Variants in MICU2 observed in about 807,000 individuals in gnomAD.
The protein encoded by MICU2 is mitochondrial calcium uptake 2, also known as calcium uptake protein 2, mitochondrial.
MICU2 carries 64 observed loss-of-function variants against 60.4 expected under a neutral mutation model. The observed-to-expected ratio is 1.06, with a 90% CI of 0.87 to 1.31. MICU2 has a LOEUF of 1.31. Ranked by LOEUF, MICU2 falls within the 50% of genes most tolerant of loss-of-function variation. MICU2 has a pLI of 0.00. For synonymous variants in MICU2, 201 were observed against 175.0 expected (o/e 1.15, Z -1.17); for missense variants, 569 against 531.0 (o/e 1.07, Z -0.70).
intron 7 of MICU2, 120 bp downstream of exon 7, chr13:21,514,233 C>A (rs949130834): frequency 1.0e-5 from 8 of 764,808 alleles, no homozygotes; most frequent in East Asian, 7.8e-5. Flanking sequence ...TGGTGCATGA[C>A]TGTATTAAAA....
chr13:21,495,661 G>T (rs1204498849), intron 10 of MICU2: 1 of 230,638 alleles, frequency 4.3e-6, no homozygotes, highest in Non-Finnish European at 8.4e-6. Context: ...TCGGCCTCCT[G>T]AATAGCTGGG....
chr13:21,587,235 G>C (rs1296846870), intron 1 of MICU2, among the ~76,000 whole-genome samples: 1 of 152,154 alleles, frequency 6.6e-6, no homozygotes, highest in East Asian at 1.9e-4. Context: ...CCATGAGTCC[G>C]TAGATATAAA....
At chr13:21,587,448 C>T (rs1888483759) in intron 1 of MICU2, among the ~76,000 whole-genome samples, 1 of 152,170 alleles carries the variant, frequency 6.6e-6, no homozygotes, top group Admixed American at 6.5e-5. Flanking sequence ...ATATGATGCA[C>T]TGAAAAGGAC....
chr13:21,533,783 A>G (rs1887065434), intron 4 of MICU2, among the ~76,000 whole-genome samples: 2 of 152,326 alleles, frequency 1.3e-5, no homozygotes, highest in East Asian at 1.9e-4. Flanking sequence ...ATTTAAAAAA[A>G]TAGCTAGGGA....
intron 1 of MICU2, among the ~76,000 whole-genome samples, chr13:21,585,953 T>C (rs541017584): frequency 6.6e-6 from 1 of 152,304 alleles, no homozygotes; most frequent in South Asian, 2.1e-4. Flanking sequence ...TAATGCCCAA[T>C]ATATTACTTG....
Position 21,510,035 on chromosome 13 carries a change from G to A in MICU2, c.730C>T (p.Gln244Ter). Residue 244 changes from glutamine to a stop codon, truncating the protein, a stop_gained, in exon 8 of 12, where the codon CAA (glutamine) becomes TAA (stop). Coordinates refer to ENST00000382374, the MANE Select transcript of MICU2 (RefSeq NM_152726.3). LOFTEE classifies it high-confidence loss of function. Reference sequence around the variant, plus strand: ...AATTCTTTATAATGAAGTTTTCTTTGTCCTCTTTTTCCAAAGAAACGCATC... The same window carrying A: ...AATTCTTTATAATGAAGTTTTCTTTATCCTCTTTTTCCAAAGAAACGCATC... ...LQMRFFGKRG[Q>*]RKLHYKEFRR... The A allele has an allele frequency of 6.5e-7, 1 of 1,539,684 alleles. No homozygotes were observed. The highest frequency in any genetic ancestry group is 8.7e-7 in the Non-Finnish European group (1 of 1,149,354).
intron 1 of MICU2, among the ~76,000 whole-genome samples, chr13:21,582,025 T>C (rs1032967866): frequency 5.3e-5 from 8 of 152,252 alleles, no homozygotes; most frequent in Non-Finnish European, 1.0e-4. Flanking sequence ...ACAAAGCCAC[T>C]GCGGGGTGCC....
intron 2 of MICU2, among the ~76,000 whole-genome samples, chr13:21,551,655 T>C (rs1304536064): frequency 6.8e-6 from 1 of 146,378 alleles, no homozygotes; most frequent in East Asian, 2.1e-4. Flanking sequence ...TTCTCACTGT[T>C]CAATTCCCAC....
chr13:21,538,562 C>CAAAAAAA (rs71650194), intron 4 of MICU2, among the ~76,000 whole-genome samples: 4 of 102,164 alleles, frequency 3.9e-5, no homozygotes, highest in East Asian at 2.9e-4. Flanking sequence ...GACCCTGTCT[C>CAAAAAAA]AAAAAAAAAA....
chr13:21,517,516 C>T (rs1331210499), intron 6 of MICU2, among the ~76,000 whole-genome samples: 1 of 152,182 alleles, frequency 6.6e-6, no homozygotes, highest in Non-Finnish European at 1.5e-5. Context: ...TGGCTCAAGC[C>T]TGTAATCCCA....
chr13:21,594,547 TA>T (rs1265304292), intron 1 of MICU2, among the ~76,000 whole-genome samples: 15 of 152,182 alleles, frequency 9.9e-5, no homozygotes, highest in African/African-American at 3.4e-4. Context: ...CAAAGGAATA[TA>T]AATCATTCTA....
intron 5 of MICU2, among the ~76,000 whole-genome samples, chr13:21,521,736 G>A (rs1886721029): frequency 6.6e-6 from 1 of 152,128 alleles, no homozygotes; most frequent in Admixed American, 6.5e-5. Context: ...TTAGACTTAT[G>A]GAAATTTTGT....
At chr13:21,594,751 C>T (rs893569856) in intron 1 of MICU2, among the ~76,000 whole-genome samples, 1 of 152,142 alleles carries the variant, frequency 6.6e-6, no homozygotes, top group Non-Finnish European at 1.5e-5. Context: ...AGCTGGAAGC[C>T]ATCATCCTCA....
chr13:21,593,641 G>A (rs1418979165), intron 1 of MICU2, among the ~76,000 whole-genome samples: 1 of 145,494 alleles, frequency 6.9e-6, no homozygotes, highest in Non-Finnish European at 1.5e-5. Context: ...ATGCTACAAG[G>A]CTACAGTAAC....
At position 21,539,645 on chromosome 13, in the gene MICU2, C is replaced by T; in HGVS notation, c.390+12G>A. The T allele has an allele frequency of 1.2e-6, 2 of 1,614,132 alleles. No individual in the cohort carries two copies. The highest frequency in any genetic ancestry group is 1.3e-5 in the African/African-American group (1 of 75,056). ...CAAAAACAAACCCTGCCCCCCACAA[C>T]ATGATGCTTACCTTTTTTGTCAGCT... On this transcript the variant is annotated intron_variant, in intron 3 of 11. Transcript: ENST00000382374.
At chr13:21,514,483 AT>A (rs1886515143) in intron 6 of MICU2, 65 bp from the exon 7 acceptor site, 2 of 1,113,960 alleles carry the variant, frequency 1.8e-6, no homozygotes, top group South Asian at 2.6e-5. Flanking sequence ...AACCTAAAAA[AT>A]AGATGCCAAC....
intron 6 of MICU2, among the ~76,000 whole-genome samples, chr13:21,519,314 T>G (rs1382782245): frequency 6.6e-6 from 1 of 152,152 alleles, no homozygotes; most frequent in Non-Finnish European, 1.5e-5. Flanking sequence ...TGCCTCAGCC[T>G]CCCAAAGGGC....
At chr13:21,591,865 G>C (rs1252529072) in intron 1 of MICU2, among the ~76,000 whole-genome samples, 2 of 152,092 alleles carry the variant, frequency 1.3e-5, no homozygotes, top group Non-Finnish European at 2.9e-5. Context: ...CTAAGGCAAT[G>C]ATAAAGGGGA....
intron 2 of MICU2, among the ~76,000 whole-genome samples, chr13:21,558,465 T>C (rs1290017847): frequency 2.6e-5 from 4 of 152,224 alleles, no homozygotes; most frequent in East Asian, 1.9e-4. Flanking sequence ...GTTATTTTAA[T>C]TGAATTTGTT....
Sources: gnomAD v4.1 joint callset for allele counts (sites outside exome capture counted in the v4.1 genomes callset) on GRCh38, gnomAD v4.1.1 for gene constraint, MANE v1.5 for transcripts, NCBI Gene and HGNC (gene_info 2026-07-23, HGNC 2026-07-21) for gene names.